SMIM30: variants seen among roughly 807,000 people sequenced by gnomAD.
The protein encoded by SMIM30 is small integral membrane protein 30, also known as long intergenic non-protein coding RNA 998.
For synonymous variants in SMIM30, 19 were observed against 11.5 expected, an observed-to-expected ratio of 1.65 and a Z score of -1.31; for missense variants, 43 against 27.6, an observed-to-expected ratio of 1.56 and a Z score of -1.25.
intron 2 of SMIM30, 78 bp downstream of exon 2, chr7:113,117,990 C>T (rs1286456629): frequency 5.1e-6 from 2 of 389,490 alleles, no homozygotes; most frequent in East Asian, 7.6e-5. Flanking sequence ...TCTCTCCCAT[C>T]CAAGAAATGC....
intron 2 of SMIM30, 112 bp downstream of exon 2, chr7:113,117,956 T>C (rs1444546695): frequency 1.1e-5 from 4 of 353,978 alleles, no homozygotes; most frequent in Non-Finnish European, 2.2e-5. Flanking sequence ...TCCTAGTGGG[T>C]AAAAATTGTA....
Position 113,117,656 on chromosome 7 carries a change from T to A in SMIM30, c.-29-49A>T, listed in dbSNP as rs965101674. ...AAAGGAACCATTAAAAATTCCTCCC[T>A]TTTCAAATGACAAAATGAACACATG... On this transcript the variant is annotated intron_variant, in intron 2 of 2. Transcript: ENST00000397764. The A allele has an allele frequency of 1.0e-5, 7 of 696,062 alleles. No individual in the cohort carries two copies. The Admixed American group carries it at 1.0e-4, about 10-fold the overall frequency. 43.1% of individuals were successfully genotyped at this position (696,062 alleles called of 1,614,324 possible). A position where few individuals can be genotyped will look rare whatever the true frequency, so the allele number is the denominator to read the frequency against.
chr7:113,117,448 A>G lies in SMIM30; in HGVS notation c.131T>C (p.Ile44Thr). Residue 44 changes from isoleucine (I) to threonine (T), a missense_variant, in exon 3 of 3, where the codon ATT becomes ACT. Ile to Thr is a moderately conservative substitution (Grantham distance 89). Transcript: ENST00000397764. ...TGCATATACCCCCAAGCAGGCACAAATGCCTGTAATGCTGAGAACCACACC... is the reference window on the plus strand; with the variant it reads ...TGCATATACCCCCAAGCAGGCACAAGTGCCTGTAATGCTGAGAACCACACC... ...LLGVVLSITG[I>T]CACLGVYARK... 1 of 703,002 alleles carries G rather than the reference A, an allele frequency of 1.4e-6. No homozygotes were observed. Among genetic ancestry groups the G allele is most frequent in the South Asian group, 1.5e-5 (1 of 67,590 alleles). The allele number at this position is 703,002 out of a possible 1,614,324, so 43.5% of individuals were successfully genotyped here.
chr7:113,118,085 T>C lies in SMIM30; in HGVS notation c.-47A>G, dbSNP rs965070151. ...AGACTTACCAAAGAAATGGTATATA[T>C]AGAATTCTATCTGACTTGAAATTTT... On this transcript the variant is annotated 5_prime_UTR_variant, in exon 2 of 3. Transcript: ENST00000397764. 56 of 453,210 alleles carry C rather than the reference T, an allele frequency of 1.2e-4. No individual in the cohort carries two copies. Among genetic ancestry groups the C allele is most frequent in the African/African-American group, 1.0e-3 (52 of 49,732 alleles). 28.1% of individuals were successfully genotyped at this position (453,210 alleles called of 1,614,324 possible).
In SMIM30 at chr7:113,117,979, G is replaced by A. The variant is rs146756989; in HGVS notation, c.-30+89C>T. ...GGTAAAAATTGTACATTTTCTTAGG[G>A]TCTCTCCCATCCAAGAAATGCAGAC... On this transcript the variant is annotated intron_variant, in intron 2 of 2. Coordinates refer to ENST00000397764, the MANE Select transcript of SMIM30 (RefSeq NM_001352688.2). 2,374 of 377,678 alleles carry A rather than the reference G, an allele frequency of 6.3e-3. 102 individuals are homozygous for A. In the Admixed American group the frequency reaches 0.066, roughly 10 times the overall value. 23.4% of individuals were successfully genotyped at this position (377,678 alleles called of 1,614,324 possible).
intron 2 of SMIM30, 127 bp from the exon 3 acceptor site, chr7:113,117,734 C>T (rs1396155843): frequency 1.6e-6 from 1 of 629,442 alleles, no homozygotes. Flanking sequence ...ATTTCCAATC[C>T]ATCTCCTCAT....
chr7:113,118,181 T>C lies in SMIM30; in HGVS notation c.-123-20A>G, dbSNP rs1472101592. ...CACGACCTATTATTAGCATGGGGGG[T>C]GGGGAGGGGGCGGAGAGAAGGATTT... On this transcript the variant is annotated intron_variant, in intron 1 of 2. Coordinates refer to ENST00000397764, the MANE Select transcript of SMIM30 (RefSeq NM_001352688.2). The C allele has an allele frequency of 2.6e-6, 1 of 388,914 alleles. No homozygotes were observed. Among genetic ancestry groups the C allele is most frequent in the Non-Finnish European group, 5.0e-6 (1 of 199,022 alleles). 24.1% of individuals were successfully genotyped at this position (388,914 alleles called of 1,614,324 possible). A position where few individuals can be genotyped will look rare whatever the true frequency, so the allele number is the denominator to read the frequency against.
At position 113,117,579 on chromosome 7, in the gene SMIM30, G is replaced by T. The variant is rs2115875426; in HGVS notation, c.-1C>A. The T allele has an allele frequency of 1.4e-6, 1 of 702,984 alleles. No individual in the cohort carries two copies. The highest frequency in any genetic ancestry group is 2.7e-5 in the East Asian group (1 of 37,290). The allele number at this position is 702,984 out of a possible 1,614,324, so 43.5% of individuals were successfully genotyped here. On this transcript the variant is annotated 5_prime_UTR_variant, in exon 3 of 3. Coordinates refer to ENST00000397764, the MANE Select transcript of SMIM30 (RefSeq NM_001352688.2). ...ACAACTGTGTTGAAACTGAGGTCATGATGTTGGAATCTTGAGGGCTGAAGG... is the reference window on the plus strand; with the variant it reads ...ACAACTGTGTTGAAACTGAGGTCATTATGTTGGAATCTTGAGGGCTGAAGG...
chr7:113,117,709 G>A (rs1474555600), intron 2 of SMIM30, 102 bp from the exon 3 acceptor site: 1 of 664,170 alleles, frequency 1.5e-6, no homozygotes, highest in African/African-American at 1.8e-5. Flanking sequence ...CAATCTTTTG[G>A]ATACTTTATG....
At chr7:113,118,410 T>C (rs1247864810) in intron 1 of SMIM30, 118 bp downstream of exon 1, 2 of 455,556 alleles carry the variant, frequency 4.4e-6, no homozygotes, top group Non-Finnish European at 4.4e-6. Context: ...TTTCAGGACT[T>C]GATATTAAGA....
intron 1 of SMIM30, 51 bp from the exon 2 acceptor site, chr7:113,118,212 T>G (rs1794719005): frequency 2.3e-6 from 1 of 430,062 alleles, no homozygotes; most frequent in Non-Finnish European, 4.6e-6. Context: ...GATTTAAAAA[T>G]TAATTATTAT....
chr7:113,117,604 G>C lies in SMIM30; in HGVS notation c.-26C>G. On this transcript the variant is annotated 5_prime_UTR_variant, in exon 3 of 3. Coordinates refer to ENST00000397764, the MANE Select transcript of SMIM30 (RefSeq NM_001352688.2). ...GATGTTGGAATCTTGAGGGCTGAAG[G>C]TTCCTAGAAATTAAACATGGAAACA... 4.3e-6 allele frequency: 3 copies of C among 702,436 alleles called. No individual in the cohort carries two copies. Among genetic ancestry groups the C allele is most frequent in the Middle Eastern group, 4.6e-4 (2 of 4,364 alleles). The allele number at this position is 702,436 out of a possible 1,614,324, so 43.5% of individuals were successfully genotyped here.
chr7:113,117,549 T>C lies in SMIM30; in HGVS notation c.30A>G (p.Leu10=), dbSNP rs1448175037. 1 of 702,926 alleles carries C rather than the reference T, an allele frequency of 1.4e-6. No homozygotes were observed. The highest frequency in any genetic ancestry group is 2.7e-5 in the East Asian group (1 of 37,296). The allele number at this position is 702,926 out of a possible 1,614,324, so 43.5% of individuals were successfully genotyped here. A position where few individuals can be genotyped will look rare whatever the true frequency, so the allele number is the denominator to read the frequency against. Residue 10 remains leucine, a synonymous_variant, in exon 3 of 3, where the codon TTA becomes TTG. Coordinates refer to ENST00000397764, the MANE Select transcript of SMIM30 (RefSeq NM_001352688.2). The part of the protein sequence containing the change: MTSVSTQLS[L]VLMSLLLVLP... ...GCACCAAAAGCAGTGACATGAGGAC[T>C]AAGGACAACTGTGTTGAAACTGAGG...
Position 113,117,109 on chromosome 7 carries a change from G to T in SMIM30, c.*290C>A. On this transcript the variant is annotated 3_prime_UTR_variant, in exon 3 of 3. Transcript: ENST00000397764. ...TCTTCCTATTTCACATGCTTTGAGA[G>T]AATTCTAAGATTATGAAATATTACT... 3.0e-6 allele frequency: 1 copy of T among 333,944 alleles called. No individual in the cohort carries two copies. Among genetic ancestry groups the T allele is most frequent in the Non-Finnish European group, 5.7e-6 (1 of 175,296 alleles). 20.7% of individuals were successfully genotyped at this position (333,944 alleles called of 1,614,324 possible). A position where few individuals can be genotyped will look rare whatever the true frequency, so the allele number is the denominator to read the frequency against.
At chr7:113,117,947 C>T (rs1044910187) in intron 2 of SMIM30, 121 bp downstream of exon 2, 1 of 356,788 alleles carries the variant, frequency 2.8e-6, no homozygotes, top group Non-Finnish European at 5.4e-6. Flanking sequence ...CTTAAAATAT[C>T]CTAGTGGGTA....
intron 2 of SMIM30, chr7:113,117,854 T>G (rs1794711028): frequency 4.4e-6 from 2 of 454,296 alleles, no homozygotes; most frequent in Non-Finnish European, 8.1e-6. Context: ...TGCCAACACC[T>G]CGTGCATCAA....
Position 113,117,581 on chromosome 7 carries a change from T to C in SMIM30, c.-3A>G, listed in dbSNP as rs1183559204. On this transcript the variant is annotated 5_prime_UTR_variant, in exon 3 of 3. Coordinates refer to ENST00000397764, the MANE Select transcript of SMIM30 (RefSeq NM_001352688.2). ...AACTGTGTTGAAACTGAGGTCATGA[T>C]GTTGGAATCTTGAGGGCTGAAGGTT... 1.4e-6 allele frequency: 1 copy of C among 703,010 alleles called. No homozygotes were observed. Among genetic ancestry groups the C allele is most frequent in the Non-Finnish European group, 2.6e-6 (1 of 384,974 alleles). 43.5% of individuals were successfully genotyped at this position (703,010 alleles called of 1,614,324 possible). A position where few individuals can be genotyped will look rare whatever the true frequency, so the allele number is the denominator to read the frequency against.
At chr7:113,117,998 T>C (rs1794714693) in intron 2 of SMIM30, 70 bp downstream of exon 2, 1 of 399,312 alleles carries the variant, frequency 2.5e-6, no homozygotes, top group Admixed American at 3.1e-5. Flanking sequence ...ATCCAAGAAA[T>C]GCAGACAAAT....
chr7:113,118,300 T>G (rs1004548523), intron 1 of SMIM30, 139 bp from the exon 2 acceptor site: 1 of 423,946 alleles, frequency 2.4e-6, no homozygotes, highest in East Asian at 7.0e-5. Context: ...GGATAGGTAA[T>G]GAGTTGAGAA....
Sources: gnomAD v4.1 joint callset for allele counts on GRCh38, gnomAD v4.1.1 for gene constraint, MANE v1.5 for transcripts, NCBI Gene and HGNC (gene_info 2026-07-23, HGNC 2026-07-21) for gene names.